FSTL5: variants seen among roughly 807,000 people sequenced by gnomAD.
FSTL5 encodes follistatin like 5.
A neutral mutation model predicts 89.1 loss-of-function variants in FSTL5; 62 were observed. That is an observed-to-expected ratio of 0.70 (90% CI 0.57 to 0.86). The LOEUF (loss-of-function observed/expected upper bound fraction) is 0.86, where lower values mean the gene tolerates loss of function less well. Among genes scored for constraint, FSTL5 ranks in the 40% least tolerant of loss-of-function variants. The probability of loss-of-function intolerance (pLI) is 0.00; values close to 1 mark genes in which losing one functional copy is unlikely to be tolerated. For synonymous variants in FSTL5, 383 were observed against 346.2 expected (o/e 1.11, Z -1.18); for missense variants, 1,057 against 1,001.6 (o/e 1.06, Z -0.75).
chr4:161,570,833 G>C (rs781510624), intron 8 of FSTL5, among the ~76,000 whole-genome samples: 7 of 152,106 alleles, frequency 4.6e-5, no homozygotes, highest in Non-Finnish European at 2.9e-5. Context: ...GGCTCCAAGG[G>C]AGCCGGGTGT....
At chr4:161,712,224 A>G (rs188963542) in intron 6 of FSTL5, among the ~76,000 whole-genome samples, 12 of 152,308 alleles carry the variant, frequency 7.9e-5, no homozygotes, top group African/African-American at 2.2e-4. Flanking sequence ...TATACTAAAA[A>G]TCATTGAATT....
chr4:161,958,001 C>T (rs1219599031), intron 3 of FSTL5, among the ~76,000 whole-genome samples: 2 of 152,024 alleles, frequency 1.3e-5, no homozygotes, highest in African/African-American at 2.4e-5. Flanking sequence ...GAAGTTGTCC[C>T]ACAACTCACT....
At chr4:161,453,709 C>A (rs556274818) in intron 15 of FSTL5, among the ~76,000 whole-genome samples, 1 of 152,262 alleles carries the variant, frequency 6.6e-6, no homozygotes, top group East Asian at 1.9e-4. Context: ...ATCCTCCCGC[C>A]TCATCCTCAC....
intron 13 of FSTL5, among the ~76,000 whole-genome samples, chr4:161,460,859 C>T (rs551303692): frequency 4.9e-4 from 74 of 151,656 alleles, no homozygotes; most frequent in South Asian, 3.1e-3. Context: ...CACCACAGAT[C>T]CAAGGAAATG....
At chr4:161,612,030 A>C (rs1167635835) in intron 7 of FSTL5, among the ~76,000 whole-genome samples, 1 of 152,254 alleles carries the variant, frequency 6.6e-6, no homozygotes, top group Non-Finnish European at 1.5e-5. Flanking sequence ...CAAAAGCCAG[A>C]GAGCAGAAAT....
At chr4:161,880,409 TA>T (rs1486189860) in intron 4 of FSTL5, among the ~76,000 whole-genome samples, 1 of 152,152 alleles carries the variant, frequency 6.6e-6, no homozygotes, top group South Asian at 2.1e-4. Context: ...TTGTCATTCA[TA>T]AAAAAACAAA....
chr4:162,162,453 A>G (rs549242873), intron 1 of FSTL5, among the ~76,000 whole-genome samples: 8 of 151,604 alleles, frequency 5.3e-5, no homozygotes, highest in Middle Eastern at 3.4e-3. Context: ...AATATCCCCC[A>G]CCCCCGTCCT....
intron 13 of FSTL5, among the ~76,000 whole-genome samples, chr4:161,465,254 A>C (rs1486547397): frequency 6.6e-6 from 1 of 152,034 alleles, no homozygotes; most frequent in Non-Finnish European, 1.5e-5. Flanking sequence ...GTCACCTGTA[A>C]GTTCTTTGGG....
chr4:162,118,486 C>G (rs1047137673), intron 1 of FSTL5, among the ~76,000 whole-genome samples: 4 of 152,150 alleles, frequency 2.6e-5, no homozygotes, highest in African/African-American at 9.7e-5. Flanking sequence ...TGGTCTCGAT[C>G]TCCTGACCTC....
At chr4:162,098,826 G>C (rs1330082722) in intron 2 of FSTL5, among the ~76,000 whole-genome samples, 1 of 151,994 alleles carries the variant, frequency 6.6e-6, no homozygotes, top group Non-Finnish European at 1.5e-5. Context: ...ATCGAGCAAA[G>C]ATAGTATTTT....
intron 3 of FSTL5, among the ~76,000 whole-genome samples, chr4:161,989,601 T>C (rs1266070055): frequency 6.6e-6 from 1 of 152,100 alleles, no homozygotes; most frequent in African/African-American, 2.4e-5. Context: ...AAATATCAAA[T>C]GTATTAGGTA....
chr4:161,721,459 A>C (rs1298916916), intron 6 of FSTL5, among the ~76,000 whole-genome samples: 3 of 152,110 alleles, frequency 2.0e-5, no homozygotes, highest in Non-Finnish European at 2.9e-5. Context: ...GGTGAGGGTT[A>C]CACACGTATA....
Position 161,538,240 on chromosome 4 carries a change from C to G in FSTL5, c.1238G>C (p.Cys413Ser). 1 of 1,613,968 alleles carries G rather than the reference C, an allele frequency of 6.2e-7. No individual in the cohort carries two copies. Among genetic ancestry groups the G allele is most frequent in the East Asian group, 2.2e-5 (1 of 44,860 alleles). ...VRYEDTGAYT[C>S]IAKNEAGVDE... ...CACTCCTGCTTCATTCTTTGCGATA[C>G]AAGTGTATGCTCCAGTATCTTCATA... The change falls in exon 10 of 16, where the codon TGT becomes TCT. Residue 413 changes from cysteine (C) to serine (S), a missense_variant. Physicochemically the swap from Cys to Ser is moderately radical, Grantham distance 112. Transcript: ENST00000306100.
At chr4:161,456,016 T>C (rs1163334689) in intron 14 of FSTL5, among the ~76,000 whole-genome samples, 1 of 152,144 alleles carries the variant, frequency 6.6e-6, no homozygotes, top group Non-Finnish European at 1.5e-5. Context: ...TTAGAGTTAG[T>C]TTGTTTTTCC....
In FSTL5 at chr4:161,544,701, G is replaced by A. The variant is rs537424451; in HGVS notation, c.1016-2008C>T. Among the ~76,000 whole-genome samples, 3 of 152,036 alleles carry A rather than the reference G, an allele frequency of 2.0e-5. No individual in the cohort carries two copies. In the South Asian group the frequency reaches 6.2e-4, roughly 32 times the overall value. Reference sequence around the variant, plus strand: ...GAAACACTCTAGACTAAAAAAAGATGAGTTATAAGAAATAAATAAAACATG... The same window carrying A: ...GAAACACTCTAGACTAAAAAAAGATAAGTTATAAGAAATAAATAAAACATG... On this transcript the variant is annotated intron_variant, in intron 8 of 15. Transcript: ENST00000306100.
chr4:161,403,303 T>TTGTG lies in FSTL5; in HGVS notation c.1842-16858_1842-16855dup, dbSNP rs923053638. Among the ~76,000 whole-genome samples the TTGTG allele has an allele frequency of 4.6e-5, 7 of 152,002 alleles. No individual in the cohort carries two copies. The South Asian group carries it at 1.5e-3, about 32-fold the overall frequency. On this transcript the variant is annotated intron_variant, in intron 15 of 15. Coordinates refer to ENST00000306100, the MANE Select transcript of FSTL5 (RefSeq NM_020116.5). Reference sequence around the variant, plus strand: ...TGCCTTCACAAGACTAACACCATTTTTGTGTGTGTGTGTGTTTGTTTGTTT... The same window carrying TTGTG: ...TGCCTTCACAAGACTAACACCATTTTTGTGTGTGTGTGTGTGTGTTTGTTTGTTT...
At chr4:161,588,420 C>T (rs947287702) in intron 7 of FSTL5, among the ~76,000 whole-genome samples, 10 of 151,714 alleles carry the variant, frequency 6.6e-5, no homozygotes, top group African/African-American at 2.2e-4. Context: ...GCCCAGATAC[C>T]ATCAACACAT....
chr4:162,155,690 T>C (rs1037958246), intron 1 of FSTL5, among the ~76,000 whole-genome samples: 5 of 152,192 alleles, frequency 3.3e-5, no homozygotes, highest in African/African-American at 7.2e-5. Context: ...AACTTTTGAC[T>C]GAATGCAGAA....
chr4:162,010,304 A>C (rs1477556136), intron 3 of FSTL5, among the ~76,000 whole-genome samples: 1 of 152,190 alleles, frequency 6.6e-6, no homozygotes, highest in Non-Finnish European at 1.5e-5. Flanking sequence ...AAAAATAAAA[A>C]GCACGCTCAC....
Sources: allele counts gnomAD v4.1 joint callset (sites outside exome capture counted in the v4.1 genomes callset), GRCh38; gene constraint gnomAD v4.1.1; transcripts MANE v1.5; gene names NCBI Gene and HGNC (gene_info 2026-07-23, HGNC 2026-07-21).